Variants in PRR35 observed in about 807,000 individuals in gnomAD.
PRR35 encodes proline-rich protein 35.
In PRR35, 14 loss-of-function variants were observed where a neutral mutation model predicts 18.6. The ratio of observed to expected loss-of-function variants is 0.75; its 90% CI spans 0.50 to 1.18. The LOEUF is 1.18. Among genes scored for constraint, PRR35 ranks in the 50% most tolerant of loss-of-function variants. The pLI is 0.00. For missense variants in PRR35, 832 were observed against 792.2 expected (o/e 1.05, Z -0.60); for synonymous variants, 425 against 378.2 (o/e 1.12, Z -1.43).
Position 565,488 on chromosome 16 carries a change from T to G in PRR35, c.*181T>G. 1 of 570,580 alleles carries G rather than the reference T, an allele frequency of 1.8e-6. No individual in the cohort carries two copies. The highest frequency in any genetic ancestry group is 2.8e-6 in the Non-Finnish European group (1 of 356,432). 35.3% of individuals were successfully genotyped at this position (570,580 alleles called of 1,614,324 possible). ...AGGGACACTGGAGGTCACAGTTATT[T>G]ATTGATCACAATTGTGGACATTAAA... On this transcript the variant is annotated 3_prime_UTR_variant, in exon 3 of 3. Coordinates refer to ENST00000409413, the MANE Select transcript of PRR35 (RefSeq NM_145270.3).
rs192962312 is a variant in PRR35 at position 562,419 on chromosome 16, C to T, written c.-39-837C>T. On this transcript the variant is annotated intron_variant, in intron 1 of 2. Coordinates refer to ENST00000409413, the MANE Select transcript of PRR35 (RefSeq NM_145270.3). ...GCTCTGTGCCGCCTTTAGACACACA[C>T]GCATACACACGCACTCACACATGCA... Among the ~76,000 whole-genome samples, 18 of 150,708 alleles carry T rather than the reference C, an allele frequency of 1.2e-4. No individual in the cohort carries two copies. The East Asian group carries it at 2.3e-3, about 19-fold the overall frequency.
chr16:560,652 C>T lies in PRR35; in HGVS notation c.-49C>T. On this transcript the variant is annotated 5_prime_UTR_variant, in exon 1 of 3. Transcript: ENST00000409413. ...GCAGACTTGGCGGCTCCGCTCCCGG[C>T]CGGGCGCAGGTAGGAGCGGCGGGAG... The T allele has an allele frequency of 1.1e-6, 1 of 924,898 alleles. No homozygotes were observed. The highest frequency in any genetic ancestry group is 1.3e-6 in the Non-Finnish European group (1 of 790,516). 57.3% of individuals were successfully genotyped at this position (924,898 alleles called of 1,614,324 possible).
chr16:564,622 C>G (rs1304295026), intron 2 of PRR35, 52 bp from the exon 3 acceptor site: 3 of 1,468,238 alleles, frequency 2.0e-6, no homozygotes, highest in Non-Finnish European at 2.7e-6. Flanking sequence ...GGGGCAGGGG[C>G]CGGGGGCGCT....
chr16:562,862 G>A (rs2035462344), intron 1 of PRR35, among the ~76,000 whole-genome samples: 3 of 152,186 alleles, frequency 2.0e-5, no homozygotes, highest in Admixed American at 2.0e-4. Context: ...GGCCTCAGGG[G>A]TGGGGATGTG....
chr16:560,619 G>A lies in PRR35; in HGVS notation c.-82G>A. On this transcript the variant is annotated 5_prime_UTR_variant, in exon 1 of 3. Transcript: ENST00000409413. ...GGGGCGGGAAGTTTGCGCCCTACAC[G>A]CGGCCTCGCAGACTTGGCGGCTCCG... 1.0e-6 allele frequency: 1 copy of A among 983,250 alleles called. No homozygotes were observed. The highest frequency in any genetic ancestry group is 1.8e-5 in the African/African-American group (1 of 57,094). The allele number at this position is 983,250 out of a possible 1,614,324, so 60.9% of individuals were successfully genotyped here.
intron 2 of PRR35, 135 bp from the exon 3 acceptor site, chr16:564,539 C>G: frequency 7.2e-7 from 1 of 1,387,884 alleles, no homozygotes; most frequent in Non-Finnish European, 9.5e-7. Context: ...AGAGCCAGCG[C>G]GGGGGTCCTC....
chr16:564,762 C>T lies in PRR35; in HGVS notation c.1171C>T (p.Leu391=). The stretch of plus-strand genomic sequence containing the variant: ...CCCCGGCCCTGAGGGCCCCCTCCCC[C>T]TGCAGCCACGGGGCCCAGTGCCAGG... ...ETPGPEGPLP[L]QPRGPVPGSP... The change falls in exon 3 of 3, where the codon CTG becomes TTG. Residue 391 remains leucine, a synonymous_variant. Transcript: ENST00000409413. 1 of 1,539,748 alleles carries T rather than the reference C, an allele frequency of 6.5e-7. No homozygotes were observed. The highest frequency in any genetic ancestry group is 1.2e-5 in the South Asian group (1 of 84,040).
intron 1 of PRR35, among the ~76,000 whole-genome samples, chr16:562,049 C>T (rs1354075131): frequency 6.6e-6 from 1 of 152,220 alleles, no homozygotes; most frequent in Non-Finnish European, 1.5e-5. Context: ...CTGTGTGAGC[C>T]TGTGGGCTGT....
Position 564,686 on chromosome 16 carries a change from C to T in PRR35, c.1095C>T (p.Gly365=), listed in dbSNP as rs2035501559. The T allele has an allele frequency of 2.0e-6, 3 of 1,528,134 alleles. No homozygotes were observed. Among genetic ancestry groups the T allele is most frequent in the Admixed American group, 4.0e-5 (2 of 50,426 alleles). 94.7% of individuals were successfully genotyped at this position (1,528,134 alleles called of 1,614,324 possible). Residue 365 remains glycine (G), a synonymous_variant, in exon 3 of 3, where the codon GGC becomes GGT. Coordinates refer to ENST00000409413, the MANE Select transcript of PRR35 (RefSeq NM_145270.3). Reference sequence around the variant, plus strand: ...TTCCACCCCACAGCCTGCCCACCGGCTCCTCTGTGATGCTGTGGCCTGAGG... The same window carrying T: ...TTCCACCCCACAGCCTGCCCACCGGTTCCTCTGTGATGCTGTGGCCTGAGG... ...RFCSRSSLPT[G]SSVMLWPEDG...
intron 2 of PRR35, 81 bp from the exon 3 acceptor site, chr16:564,593 C>T: frequency 7.0e-7 from 1 of 1,433,086 alleles, no homozygotes; most frequent in Non-Finnish European, 9.2e-7. Context: ...GGCCACAGGG[C>T]AGAGGCCGTG....
chr16:565,115 G>T lies in PRR35; in HGVS notation c.1524G>T (p.Ala508=). 1 of 1,601,836 alleles carries T rather than the reference G, an allele frequency of 6.2e-7. No individual in the cohort carries two copies. Among genetic ancestry groups the T allele is most frequent in the South Asian group, 1.1e-5 (1 of 89,876 alleles). The change falls in exon 3 of 3, where the codon GCG becomes GCT. Residue 508 remains alanine, a synonymous_variant. Transcript: ENST00000409413. ...CACCCGGCATGCTGGGCCCTGCAGCGCCCCAACCCTTCTCTGGCCACACCA... is the reference window on the plus strand; with the variant it reads ...CACCCGGCATGCTGGGCCCTGCAGCTCCCCAACCCTTCTCTGGCCACACCA... ...PEPPGMLGPA[A]PQPFSGHTTK...
intron 2 of PRR35, 133 bp downstream of exon 2, chr16:564,509 C>T: frequency 7.0e-7 from 1 of 1,425,688 alleles, no homozygotes; most frequent in Non-Finnish European, 9.3e-7. Context: ...CTCCAGGCCA[C>T]AGAGGGGAAC....
upstream of PRR35, chr16:560,256 G>A: frequency 1.3e-6 from 1 of 778,700 alleles, no homozygotes; most frequent in African/African-American, 1.9e-5. Flanking sequence ...GCCAGGGGGC[G>A]GCGGGGGGCG....
At position 564,032 on chromosome 16, in the gene PRR35, C is replaced by T. The variant is rs2142111315; in HGVS notation, c.738C>T (p.Ala246=). The change falls in exon 2 of 3, where the codon GCC becomes GCT. Residue 246 remains alanine, a synonymous_variant. Coordinates refer to ENST00000409413, the MANE Select transcript of PRR35 (RefSeq NM_145270.3). ...LASASPLLPP[A]TAFPAVQPPQ... ...CGGCCAGCCCCCTGCTGCCCCCGGCCACGGCCTTCCCAGCCGTGCAGCCCC... is the reference window on the plus strand; with the variant it reads ...CGGCCAGCCCCCTGCTGCCCCCGGCTACGGCCTTCCCAGCCGTGCAGCCCC... 1 of 1,579,452 alleles carries T rather than the reference C, an allele frequency of 6.3e-7. No individual in the cohort carries two copies. Among genetic ancestry groups the T allele is most frequent in the South Asian group, 1.1e-5 (1 of 87,708 alleles).
chr16:565,413 G>A lies in PRR35; in HGVS notation c.*106G>A. On this transcript the variant is annotated 3_prime_UTR_variant, in exon 3 of 3. Coordinates refer to ENST00000409413, the MANE Select transcript of PRR35 (RefSeq NM_145270.3). The stretch of plus-strand genomic sequence containing the variant: ...GGACCTGCCCCGCCTCCGCATGCAT[G>A]TGGATAGACCCCCACGGGCCGTGGC... 1 of 1,246,084 alleles carries A rather than the reference G, an allele frequency of 8.0e-7. No homozygotes were observed. Among genetic ancestry groups the A allele is most frequent in the African/African-American group, 1.5e-5 (1 of 64,532 alleles). 77.2% of individuals were successfully genotyped at this position (1,246,084 alleles called of 1,614,324 possible).
chr16:560,252 G>T, upstream of PRR35: 1 of 741,400 alleles, frequency 1.3e-6, no homozygotes, highest in Non-Finnish European at 1.6e-6. Context: ...GCGCGCCAGG[G>T]GGCGGCGGGG....
At chr16:562,628 A>T (rs1360701082) in intron 1 of PRR35, among the ~76,000 whole-genome samples, 1 of 151,946 alleles carries the variant, frequency 6.6e-6, no homozygotes, top group African/African-American at 2.4e-5. Flanking sequence ...CACACGCAGC[A>T]TCATCCCACA....
rs1487211338 is a variant in PRR35, at chr16:564,469, C to T, written c.1082+93C>T. On this transcript the variant is annotated intron_variant, in intron 2 of 2. Transcript: ENST00000409413. ...GCGGCTGGGCATGGCGGCTGGGGTC[C>T]GTCCTGAGCTCAGTCGCTGGGAAAG... 44 of 1,493,442 alleles carry T rather than the reference C, an allele frequency of 2.9e-5. 1 individual carries two copies. The highest frequency in any genetic ancestry group is 2.6e-4 in the South Asian group (21 of 79,464). The allele number at this position is 1,493,442 out of a possible 1,614,324, so 92.5% of individuals were successfully genotyped here.
At chr16:560,699 C>T in intron 1 of PRR35, 38 bp downstream of exon 1, 7 of 980,816 alleles carry the variant, frequency 7.1e-6, no homozygotes, top group Non-Finnish European at 7.3e-6. Flanking sequence ...GCCAGTTGGG[C>T]GTCGCGGGGC....
Sources: allele counts gnomAD v4.1 joint callset (sites outside exome capture counted in the v4.1 genomes callset), GRCh38; gene constraint gnomAD v4.1.1; transcripts MANE v1.5; gene names NCBI Gene and HGNC (gene_info 2026-07-23, HGNC 2026-07-21).